KCNG3: variants seen among roughly 807,000 people sequenced by gnomAD.
The protein encoded by KCNG3 is voltage-gated potassium channel regulatory subunit KCNG3.
A neutral mutation model predicts 29.0 loss-of-function variants in KCNG3; 15 were observed. The ratio of observed to expected loss-of-function variants is 0.52; its 90% CI spans 0.35 to 0.80. KCNG3 has a LOEUF of 0.80. Ranked by LOEUF, KCNG3 falls within the 30% of genes least tolerant of loss-of-function variation. The pLI, the probability that KCNG3 is intolerant of heterozygous loss-of-function variation, is 0.01. For synonymous variants in KCNG3, 322 were observed against 248.9 expected (o/e 1.29, Z -2.76); for missense variants, 512 against 605.7 (o/e 0.85, Z 1.62).
chr2:42,476,159 G>T (rs1673419470), intron 1 of KCNG3, among the ~76,000 whole-genome samples: 1 of 152,030 alleles, frequency 6.6e-6, no homozygotes, highest in African/African-American at 2.4e-5. Flanking sequence ...AATTATTCAT[G>T]TCTCTTTATC....
At chr2:42,395,667 C>G in the KCNG3 span, among the ~76,000 whole-genome samples, 1 of 152,130 alleles carries the variant, frequency 6.6e-6, no homozygotes, top group Non-Finnish European at 1.5e-5. Flanking sequence ...ATTGAAAATA[C>G]ATTTAAGCCA....
At chr2:42,437,009 T>A in the KCNG3 span, among the ~76,000 whole-genome samples, 3 of 152,122 alleles carry the variant, frequency 2.0e-5, no homozygotes, top group Admixed American at 6.5e-5. Flanking sequence ...CCTAATTGAG[T>A]TCCTGTACAT....
At chr2:42,485,590 G>A (rs148226036) in intron 1 of KCNG3, among the ~76,000 whole-genome samples, 8 of 152,046 alleles carry the variant, frequency 5.3e-5, no homozygotes, top group African/African-American at 7.2e-5. Flanking sequence ...GACTACAGGC[G>A]CCCGCCACCA....
chr2:42,399,651 A>C, the KCNG3 span, among the ~76,000 whole-genome samples: 1 of 152,200 alleles, frequency 6.6e-6, no homozygotes, highest in African/African-American at 2.4e-5. Context: ...AGAATAATTA[A>C]AGGGTAAGAG....
chr2:42,475,018 G>C (rs539037634), intron 1 of KCNG3, among the ~76,000 whole-genome samples: 14 of 152,136 alleles, frequency 9.2e-5, no homozygotes, highest in Non-Finnish European at 1.5e-4. Flanking sequence ...TGTGTCCTTA[G>C]CACACAGTAC....
At chr2:42,421,006 G>A in the KCNG3 span, among the ~76,000 whole-genome samples, 1 of 152,194 alleles carries the variant, frequency 6.6e-6, no homozygotes, top group Non-Finnish European at 1.5e-5. Context: ...AGCTTTATGA[G>A]TAAGAATGAC....
the KCNG3 span, among the ~76,000 whole-genome samples, chr2:42,430,083 G>C: frequency 6.6e-6 from 1 of 152,106 alleles, no homozygotes; most frequent in South Asian, 2.1e-4. Context: ...AACCAACTAG[G>C]GGGGCGGACA....
At chr2:42,481,268 T>C (rs1673576574) in intron 1 of KCNG3, among the ~76,000 whole-genome samples, 1 of 152,128 alleles carries the variant, frequency 6.6e-6, no homozygotes, top group South Asian at 2.1e-4. Context: ...ATTATAAGAA[T>C]ATCTTTACCC....
In KCNG3 at chr2:42,447,934, G is replaced by A. The variant is rs576859936; in HGVS notation, c.666-3355C>T. ...GATCAGAGAAGATACATATGTATTT[G>A]TAATTTTGATAGATCTTGCCAAGCT... On this transcript the variant is annotated intron_variant, in intron 1 of 1. Coordinates refer to ENST00000306078, the MANE Select transcript of KCNG3 (RefSeq NM_133329.6). 2.0e-5 allele frequency among the ~76,000 whole-genome samples: 3 copies of A among 152,264 alleles called. No individual in the cohort carries two copies. The South Asian group carries it at 6.2e-4, about 31-fold the overall frequency.
intron 1 of KCNG3, among the ~76,000 whole-genome samples, chr2:42,462,778 A>G (rs1430826380): frequency 6.6e-6 from 1 of 152,222 alleles, no homozygotes; most frequent in East Asian, 1.9e-4. Flanking sequence ...TGGGGTTAGG[A>G]AACCAAGGTT....
the KCNG3 span, among the ~76,000 whole-genome samples, chr2:42,422,192 A>C: frequency 6.6e-6 from 1 of 152,186 alleles, no homozygotes; most frequent in African/African-American, 2.4e-5. Flanking sequence ...GTTAATCCTC[A>C]GTGTAACAGT....
At chr2:42,469,184 C>T (rs758462417) in intron 1 of KCNG3, among the ~76,000 whole-genome samples, 12 of 151,570 alleles carry the variant, frequency 7.9e-5, no homozygotes, top group Non-Finnish European at 1.6e-4. Context: ...TTTGGGAGGC[C>T]GAGGCAGCTG....
chr2:42,474,199 G>A (rs926571484), intron 1 of KCNG3, among the ~76,000 whole-genome samples: 1 of 151,592 alleles, frequency 6.6e-6, no homozygotes, highest in Admixed American at 6.6e-5. Context: ...CCTTGCTCTG[G>A]GCGACAGAGC....
the KCNG3 span, among the ~76,000 whole-genome samples, chr2:42,411,353 T>C: frequency 6.6e-6 from 1 of 152,214 alleles, no homozygotes; most frequent in African/African-American, 2.4e-5. Context: ...ATTTATAAAT[T>C]AAGTTAGAGA....
At chr2:42,398,855 T>C in the KCNG3 span, among the ~76,000 whole-genome samples, 5 of 152,110 alleles carry the variant, frequency 3.3e-5, no homozygotes, top group South Asian at 1.0e-3. Context: ...GTCAGCACTG[T>C]GAACATTACT....
At chr2:42,472,363 T>C (rs1206902611) in intron 1 of KCNG3, among the ~76,000 whole-genome samples, 1 of 152,196 alleles carries the variant, frequency 6.6e-6, no homozygotes, top group African/African-American at 2.4e-5. Context: ...TGCAAAACAA[T>C]GCTATATTTC....
the KCNG3 span, among the ~76,000 whole-genome samples, chr2:42,424,357 TCCATCA>T: frequency 6.6e-6 from 1 of 151,694 alleles, no homozygotes; most frequent in East Asian, 1.9e-4. Context: ...GACTGGTATA[TCCATCA>T]CCTTGTCAGC....
intron 1 of KCNG3, among the ~76,000 whole-genome samples, chr2:42,492,163 GT>G: frequency 6.6e-6 from 1 of 152,302 alleles, no homozygotes; most frequent in East Asian, 1.9e-4. Flanking sequence ...CAAGGTAATG[GT>G]TTTTTCCCTT....
rs935877599 is a variant in KCNG3, at chr2:42,443,940, C to T, written c.1305G>A (p.Leu435=). The change falls in exon 2 of 2, where the codon CTG becomes CTA. Residue 435 remains leucine, a synonymous_variant. Coordinates refer to ENST00000306078, the MANE Select transcript of KCNG3 (RefSeq NM_133329.6). The stretch of plus-strand genomic sequence containing the variant: ...AGAATTGATTTGCAATGCATTAATT[C>T]AGGAATTCAGTGGAGAGGCTCCTAC... The part of the protein sequence containing the change: ...RYSRSLSTEF[L]N 67 of 1,601,652 alleles carry T rather than the reference C, an allele frequency of 4.2e-5. No individual in the cohort carries two copies. The highest frequency in any genetic ancestry group is 5.7e-5 in the Non-Finnish European group (67 of 1,174,492).
Sources: allele counts gnomAD v4.1 joint callset (sites outside exome capture counted in the v4.1 genomes callset), GRCh38; gene constraint gnomAD v4.1.1; transcripts MANE v1.5; gene names NCBI Gene and HGNC (gene_info 2026-07-23, HGNC 2026-07-21).